Variants in NRG1 observed in about 807,000 individuals in gnomAD.
NRG1 encodes the protein pro-neuregulin-1, membrane-bound isoform.
Under a neutral mutation model 63.8 loss-of-function variants are expected in NRG1, and 18 were observed. The ratio of observed to expected loss-of-function variants is 0.28; its 90% CI spans 0.19 to 0.42. The LOEUF (loss-of-function observed/expected upper bound fraction) is 0.42. Among genes scored for constraint, NRG1 ranks in the 10% least tolerant of loss-of-function variants. The pLI is 1.00. For missense variants in NRG1, 762 were observed against 814.7 expected, an observed-to-expected ratio of 0.94 and a Z score of 0.79; for synonymous variants, 302 against 301.3, an observed-to-expected ratio of 1.00 and a Z score of -0.02.
intron 1 of NRG1, among the ~76,000 whole-genome samples, chr8:31,776,511 G>T (rs1183167290): frequency 6.6e-6 from 1 of 152,126 alleles, no homozygotes; most frequent in Admixed American, 6.5e-5. Context: ...AGGCCTGTTT[G>T]TTAAGGTCCA....
At chr8:32,526,784 T>G (rs1241807953) in intron 1 of NRG1, among the ~76,000 whole-genome samples, 1 of 152,174 alleles carries the variant, frequency 6.6e-6, no homozygotes, top group East Asian at 1.9e-4. Context: ...TTTCTTTGGA[T>G]TTGGGGATCC....
chr8:32,412,799 A>T (rs558043073), intron 1 of NRG1, among the ~76,000 whole-genome samples: 1 of 152,200 alleles, frequency 6.6e-6, no homozygotes, highest in African/African-American at 2.4e-5. Context: ...AAAATATGGT[A>T]TTATAATCTT....
At chr8:32,510,955 C>CT (rs60629097) in intron 1 of NRG1, among the ~76,000 whole-genome samples, 34,857 of 125,514 alleles carry the variant, frequency 0.28, 5,181 homozygotes, top group Admixed American at 0.4. Context: ...TCTTTCTTTC[C>CT]TTTTTTTTTT....
intron 1 of NRG1, among the ~76,000 whole-genome samples, chr8:31,723,981 G>A (rs184859542): frequency 4.6e-4 from 70 of 152,076 alleles, no homozygotes; most frequent in African/African-American, 1.5e-3. Context: ...CATTCTTCCT[G>A]GATTTTAGTC....
chr8:32,112,895 T>C (rs1832220544), intron 1 of NRG1, among the ~76,000 whole-genome samples: 1 of 152,222 alleles, frequency 6.6e-6, no homozygotes, highest in Admixed American at 6.5e-5. Flanking sequence ...TTAAACTCTC[T>C]AAGCCACAGT....
chr8:32,270,820 T>C (rs1275563267), intron 1 of NRG1, among the ~76,000 whole-genome samples: 3 of 152,160 alleles, frequency 2.0e-5, no homozygotes, highest in Admixed American at 6.6e-5. Flanking sequence ...AAGTAACACA[T>C]GCTACAAGTC....
intron 1 of NRG1, among the ~76,000 whole-genome samples, chr8:31,700,588 G>C (rs78098782): frequency 4.8e-4 from 73 of 152,308 alleles, no homozygotes; most frequent in African/African-American, 1.7e-3. Flanking sequence ...GATTTTGGAA[G>C]GAATGGAATG....
chr8:31,964,312 A>G lies in NRG1; in HGVS notation c.37+324881A>G, dbSNP rs1212318385. Reference sequence around the variant, plus strand: ...GATACAAGCAAGTGCTGTCATAGACAGATAAATGAAGTGGACATTGTTTTG... The same window carrying G: ...GATACAAGCAAGTGCTGTCATAGACGGATAAATGAAGTGGACATTGTTTTG... On this transcript the variant is annotated intron_variant, in intron 1 of 10. Coordinates refer to the NRG1 transcript ENST00000519301. 2.6e-5 allele frequency among the ~76,000 whole-genome samples: 4 copies of G among 152,226 alleles called. No homozygotes were observed. The East Asian group carries it at 7.7e-4, about 29-fold the overall frequency.
chr8:32,760,108 A>G lies in NRG1; in HGVS notation c.1053-92A>G, dbSNP rs530731433. The G allele has an allele frequency of 1.6e-5, 24 of 1,459,446 alleles. No individual in the cohort carries two copies. In the African/African-American group the frequency reaches 3.4e-4, roughly 20 times the overall value. The allele number at this position is 1,459,446 out of a possible 1,614,324, so 90.4% of individuals were successfully genotyped here. A position where few individuals can be genotyped will look rare whatever the true frequency, so the allele number is the denominator to read the frequency against. On this transcript the variant is annotated intron_variant, in intron 10 of 11. Transcript: ENST00000356819. ...AGCTCCGGGTGCATCAGTAGTTTGA[A>G]ACATTTGTCAGAATCCATTCCTTTC...
At chr8:31,685,126 G>A (rs919888740) in intron 1 of NRG1, among the ~76,000 whole-genome samples, 3 of 152,030 alleles carry the variant, frequency 2.0e-5, no homozygotes, top group South Asian at 2.1e-4. Context: ...AAATGTAGTC[G>A]ATGCTGTTTG....
At chr8:32,063,072 A>G (rs1172144275) in intron 1 of NRG1, 1 of 152,100 alleles carries the variant, frequency 6.6e-6, no homozygotes, top group East Asian at 1.9e-4. Flanking sequence ...TTCCTTAATT[A>G]TTTTCAGTAG....
At chr8:32,391,133 GA>G (rs946098636) in intron 1 of NRG1, among the ~76,000 whole-genome samples, 1 of 151,820 alleles carries the variant, frequency 6.6e-6, no homozygotes, top group Admixed American at 6.6e-5. Flanking sequence ...TTTTTGGGGG[GA>G]GGGGGGCTGG....
At chr8:32,351,035 G>A (rs1043098296) in intron 1 of NRG1, among the ~76,000 whole-genome samples, 5 of 151,908 alleles carry the variant, frequency 3.3e-5, no homozygotes, top group Admixed American at 6.6e-5. Context: ...GTCCACTATC[G>A]GTGTACTGAG....
intron 1 of NRG1, among the ~76,000 whole-genome samples, chr8:32,333,696 A>G (rs1228972095): frequency 2.0e-5 from 3 of 152,194 alleles, no homozygotes; most frequent in African/African-American, 7.2e-5. Context: ...TGTTCCAAAT[A>G]GAATTTTTGC....
At chr8:31,677,527 G>A (rs4236706) in intron 1 of NRG1, among the ~76,000 whole-genome samples, 29,488 of 152,018 alleles carry the variant, frequency 0.19, 3,365 homozygotes, top group East Asian at 0.27. Flanking sequence ...GATCACTTGA[G>A]TCTGGGAATT....
intron 1 of NRG1, among the ~76,000 whole-genome samples, chr8:32,549,341 C>T (rs1418677197): frequency 6.6e-6 from 1 of 152,310 alleles, no homozygotes; most frequent in East Asian, 1.9e-4. Context: ...AAGTTAGCTT[C>T]GGCGTTTTGG....
chr8:32,770,389 C>T (rs1006440615), downstream of NRG1, among the ~76,000 whole-genome samples: 1 of 152,124 alleles, frequency 6.6e-6, no homozygotes, highest in Non-Finnish European at 1.5e-5. Flanking sequence ...GACACTTGTA[C>T]CCAGGTTTTC....
At chr8:31,923,237 A>AT (rs1563571959) in intron 1 of NRG1, among the ~76,000 whole-genome samples, 1 of 151,810 alleles carries the variant, frequency 6.6e-6, no homozygotes, top group African/African-American at 2.4e-5. Flanking sequence ...ATTGTGTCAG[A>AT]TTTTTTTCTG....
intron 1 of NRG1, among the ~76,000 whole-genome samples, chr8:32,571,606 T>C (rs1478564218): frequency 6.6e-6 from 1 of 152,208 alleles, no homozygotes; most frequent in East Asian, 1.9e-4. Context: ...GTTTTGTTTT[T>C]TTCAAGGCCT....
Sources: allele counts gnomAD v4.1 joint callset (sites outside exome capture counted in the v4.1 genomes callset), GRCh38; gene constraint gnomAD v4.1.1; transcripts MANE v1.5; gene names NCBI Gene and HGNC (gene_info 2026-07-23, HGNC 2026-07-21).